TENM2: variants seen among roughly 807,000 people sequenced by gnomAD.
TENM2 encodes teneurin transmembrane protein 2, also known as teneurin-2.
Under a neutral mutation model 245.2 loss-of-function variants are expected in TENM2, and 52 were observed. The observed-to-expected ratio is 0.21, with a 90% CI of 0.17 to 0.27. The LOEUF is 0.27. Ranked by LOEUF, TENM2 falls within the 10% of genes least tolerant of loss-of-function variation. TENM2 has a pLI of 1.00. For synonymous variants in TENM2, 1,363 were observed against 1,438.9 expected (o/e 0.95, Z 1.19); for missense variants, 3,046 against 3,666.8 (o/e 0.83, Z 4.37).
chr5:167,708,737 T>C (rs1758704974), intron 2 of TENM2, among the ~76,000 whole-genome samples: 1 of 152,132 alleles, frequency 6.6e-6, no homozygotes, highest in African/African-American at 2.4e-5. Flanking sequence ...TGTCATACAG[T>C]GAAAAAGAAC....
chr5:167,540,612 A>C (rs2127603647), intron 2 of TENM2, among the ~76,000 whole-genome samples: 1 of 152,292 alleles, frequency 6.6e-6, no homozygotes, highest in South Asian at 2.1e-4. Flanking sequence ...TAAAATATTT[A>C]TTCTCTGGCC....
chr5:167,084,327 T>TTATATGTGTATATATA, the TENM2 span, among the ~76,000 whole-genome samples: 1 of 23,170 alleles, frequency 4.3e-5, no homozygotes, highest in East Asian at 1.3e-3. Context: ...GCCATTTTAG[T>TTATATGTGTATATATA]TATATATATA....
At chr5:167,364,369 C>A (rs1408408740) in intron 1 of TENM2, among the ~76,000 whole-genome samples, 1 of 151,990 alleles carries the variant, frequency 6.6e-6, no homozygotes, top group Non-Finnish European at 1.5e-5. Flanking sequence ...TATTAACTGA[C>A]AACAATTAGG....
At chr5:167,072,703 T>C in the TENM2 span, among the ~76,000 whole-genome samples, 1 of 152,232 alleles carries the variant, frequency 6.6e-6, no homozygotes, top group East Asian at 1.9e-4. Flanking sequence ...TTGGGATCAC[T>C]GGGACCTTCC....
At chr5:167,164,731 T>C in the TENM2 span, among the ~76,000 whole-genome samples, 1 of 152,210 alleles carries the variant, frequency 6.6e-6, no homozygotes, top group Non-Finnish European at 1.5e-5. Context: ...GTTATTTTGA[T>C]GCTAATGGAT....
chr5:167,058,880 G>A, the TENM2 span, among the ~76,000 whole-genome samples: 2 of 152,320 alleles, frequency 1.3e-5, no homozygotes, highest in South Asian at 4.1e-4. Flanking sequence ...TGTGGGCTGA[G>A]GTGACTGGGT....
chr5:167,437,844 A>T (rs1403678620), intron 2 of TENM2, among the ~76,000 whole-genome samples: 1 of 152,154 alleles, frequency 6.6e-6, no homozygotes, highest in Admixed American at 6.5e-5. Flanking sequence ...TTCAGCCATG[A>T]TTGTGAGGCC....
chr5:168,159,283 C>T (rs1228111152), intron 12 of TENM2, among the ~76,000 whole-genome samples: 2 of 152,180 alleles, frequency 1.3e-5, no homozygotes, highest in East Asian at 1.9e-4. Flanking sequence ...AGGCAGCCAG[C>T]TCTCTCTAGC....
chr5:167,669,719 G>A (rs1755809453), intron 2 of TENM2, among the ~76,000 whole-genome samples: 1 of 152,008 alleles, frequency 6.6e-6, no homozygotes, highest in Admixed American at 6.6e-5. Context: ...GGGGACAGAC[G>A]GCAGGGTGGC....
intron 7 of TENM2, among the ~76,000 whole-genome samples, chr5:168,080,905 T>A (rs1234308622): frequency 6.6e-6 from 1 of 152,180 alleles, no homozygotes; most frequent in Non-Finnish European, 1.5e-5. Flanking sequence ...AATGTATATT[T>A]TGTTGATTTG....
At position 167,735,550 on chromosome 5, in the gene TENM2, A is replaced by G. The variant is rs147256937; in HGVS notation, c.503-140436A>G. On this transcript the variant is annotated intron_variant, in intron 2 of 28. Coordinates refer to ENST00000518659, the Ensembl canonical transcript of TENM2. ...GAAGTTCTTTGACCAGGCTGAGTGC[A>G]GTGTCTCACACTTTGGGAGGCCAAG... Among the ~76,000 whole-genome samples the G allele has an allele frequency of 4.3e-4, 66 of 152,304 alleles. No homozygotes were observed. In the East Asian group the frequency reaches 9.1e-3, roughly 21 times the overall value.
At chr5:167,841,666 C>T (rs1256981060) in intron 2 of TENM2, among the ~76,000 whole-genome samples, 5 of 152,152 alleles carry the variant, frequency 3.3e-5, no homozygotes, top group Non-Finnish European at 7.4e-5. Context: ...AGAAATTTAG[C>T]GCTGATATCC....
chr5:167,931,908 G>T (rs563595037), intron 3 of TENM2, among the ~76,000 whole-genome samples: 1 of 152,196 alleles, frequency 6.6e-6, no homozygotes, highest in Non-Finnish European at 1.5e-5. Flanking sequence ...CTTGTGTAGG[G>T]CACTAGCTAC....
chr5:168,164,058 G>C (rs556614314), intron 13 of TENM2, among the ~76,000 whole-genome samples: 2 of 152,310 alleles, frequency 1.3e-5, no homozygotes, highest in South Asian at 4.1e-4. Context: ...TCAAGGCCCA[G>C]GAAAGGCCTA....
At chr5:168,158,496 T>C (rs916892021) in intron 12 of TENM2, among the ~76,000 whole-genome samples, 4 of 151,586 alleles carry the variant, frequency 2.6e-5, no homozygotes, top group Admixed American at 1.3e-4. Context: ...CTCATGGGGG[T>C]TTATGTCTAG....
intron 1 of TENM2, among the ~76,000 whole-genome samples, chr5:167,343,238 CT>C (rs1758234756): frequency 6.6e-6 from 1 of 152,020 alleles, no homozygotes; most frequent in Non-Finnish European, 1.5e-5. Context: ...GGTATATCAC[CT>C]GTATTTCTTG....
intron 2 of TENM2, among the ~76,000 whole-genome samples, chr5:167,538,707 T>C (rs1772005154): frequency 2.0e-5 from 3 of 152,170 alleles, no homozygotes; most frequent in African/African-American, 7.2e-5. Flanking sequence ...AATGGATAAA[T>C]TGTCATAGAT....
the TENM2 span, among the ~76,000 whole-genome samples, chr5:167,045,760 G>C: frequency 2.6e-5 from 4 of 152,156 alleles, no homozygotes; most frequent in Admixed American, 1.3e-4. Context: ...GCTAAGATGG[G>C]CCTGCCCATC....
At chr5:167,394,326 A>T (rs1434711434) in intron 2 of TENM2, among the ~76,000 whole-genome samples, 1 of 152,120 alleles carries the variant, frequency 6.6e-6, no homozygotes, top group East Asian at 1.9e-4. Context: ...GATCCAAATT[A>T]ATCTTTTTCA....
Sources: allele counts gnomAD v4.1 joint callset (sites outside exome capture counted in the v4.1 genomes callset), GRCh38; gene constraint gnomAD v4.1.1; transcripts MANE v1.5; gene names NCBI Gene and HGNC (gene_info 2026-07-23, HGNC 2026-07-21).